SPATA3: variants seen among roughly 807,000 people sequenced by gnomAD.
The protein encoded by SPATA3 is spermatogenesis associated 3.
SPATA3 carries 6 observed loss-of-function variants against 5.7 expected under a neutral mutation model. That is an observed-to-expected ratio of 1.06 (90% CI 0.58 to 2.09). The LOEUF is 2.09. SPATA3 is among the 30% of genes most tolerant of loss of function. The probability of loss-of-function intolerance (pLI) is 0.00; values close to 1 mark genes in which losing one functional copy is unlikely to be tolerated. For synonymous variants in SPATA3, 44 were observed against 48.4 expected (o/e 0.91, Z 0.37); for missense variants, 155 against 130.4 (o/e 1.19, Z -0.92).
At chr2:231,013,489 ATT>A (rs574764501) in intron 5 of SPATA3, among the ~76,000 whole-genome samples, 1 of 145,082 alleles carries the variant, frequency 6.9e-6, no homozygotes, top group Non-Finnish European at 1.5e-5. Flanking sequence ...CAGTTTTTAG[ATT>A]TTTTTTTTTT....
chr2:231,014,571 C>T (rs34548579), intron 6 of SPATA3, among the ~76,000 whole-genome samples: 66,276 of 151,818 alleles, frequency 0.44, 15,598 homozygotes, highest in African/African-American at 0.59. Flanking sequence ...TCCTGGGGGA[C>T]GGAAGCTGCC....
At chr2:231,012,341 G>C (rs1692810101) in intron 4 of SPATA3, among the ~76,000 whole-genome samples, 1 of 152,178 alleles carries the variant, frequency 6.6e-6, no homozygotes, top group Non-Finnish European at 1.5e-5. Flanking sequence ...CAGGATGAAG[G>C]GTCTGGGCTG....
chr2:230,999,768 T>C (rs911154177), intron 1 of SPATA3: 1 of 169,166 alleles, frequency 5.9e-6, no homozygotes, highest in Non-Finnish European at 1.5e-5. Context: ...CAATGGAACG[T>C]GGCAGCTCCA....
chr2:231,008,022 TA>T (rs1195299987), downstream of SPATA3, among the ~76,000 whole-genome samples: 3 of 151,320 alleles, frequency 2.0e-5, no homozygotes, highest in Non-Finnish European at 4.4e-5. Context: ...AAAATAAAAA[TA>T]AAAAAAAGGA....
chr2:230,996,205 G>C lies in SPATA3; in HGVS notation c.791-4161G>C. On this transcript the variant is annotated intron_variant, in intron 1 of 2. It removes the in-frame stop codon of an upstream open reading frame in the 5' UTR. Coordinates refer to ENST00000645363, the Ensembl canonical transcript of SPATA3. ...CCGGGAGATTACGCAGCTCCATGTA[G>C]GTCCACGTTTAGGTTGGGAGGATCT... 6.5e-7 allele frequency: 1 copy of C among 1,537,276 alleles called. No individual in the cohort carries two copies. The highest frequency in any genetic ancestry group is 1.2e-5 in the South Asian group (1 of 81,920).
At chr2:231,005,881 T>C (rs1385946600), downstream of SPATA3, among the ~76,000 whole-genome samples, 1 of 151,842 alleles carries the variant, frequency 6.6e-6, no homozygotes, top group Non-Finnish European at 1.5e-5. Flanking sequence ...GCTTACTTTT[T>C]GGCTGGGAAT....
downstream of SPATA3, chr2:231,006,916 G>A (rs933617551): frequency 6.6e-6 from 1 of 152,218 alleles, no homozygotes; most frequent in African/African-American, 2.4e-5. Flanking sequence ...TGTAGCTTTT[G>A]GGGAGTGAGA....
At chr2:230,997,049 T>C (rs1692151227) in intron 1 of SPATA3, among the ~76,000 whole-genome samples, 1 of 151,956 alleles carries the variant, frequency 6.6e-6, no homozygotes, top group African/African-American at 2.4e-5. Flanking sequence ...AGGATGTCTG[T>C]CTGTCAAGTG....
chr2:231,000,245 G>T, intron 1 of SPATA3, 121 bp from the exon 2 acceptor site: 1 of 926,870 alleles, frequency 1.1e-6, no homozygotes, highest in Non-Finnish European at 1.5e-6. Flanking sequence ...TCCAGCGTTC[G>T]CCCTGGTAAT....
At chr2:231,006,363 C>T (rs1171596751), downstream of SPATA3, among the ~76,000 whole-genome samples, 3 of 151,348 alleles carry the variant, frequency 2.0e-5, no homozygotes, top group Non-Finnish European at 2.9e-5. Flanking sequence ...AATAGCCGGG[C>T]GTGGTGGCGG....
downstream of SPATA3, among the ~76,000 whole-genome samples, chr2:231,011,072 C>A (rs1403682484): frequency 6.3e-3 from 505 of 79,602 alleles, no homozygotes; most frequent in Non-Finnish European, 7.2e-3. Context: ...GACCCTGTCT[C>A]AAAAAAAAAA....
intron 6 of SPATA3, among the ~76,000 whole-genome samples, chr2:231,015,607 C>T (rs969127027): frequency 6.6e-6 from 1 of 152,254 alleles, no homozygotes; most frequent in Non-Finnish European, 1.5e-5. Flanking sequence ...ATGCTTAACT[C>T]ATGCAAAGCA....
downstream of SPATA3, among the ~76,000 whole-genome samples, chr2:231,006,014 A>AAG (rs1553550971): frequency 1.4e-5 from 2 of 141,880 alleles, no homozygotes; most frequent in East Asian, 2.1e-4. Flanking sequence ...AAAAAAAAAA[A>AAG]AGAGAAAGAA....
chr2:231,005,352 TCACCACCACCAC>T (rs1692555884), downstream of SPATA3, among the ~76,000 whole-genome samples: 6 of 43,356 alleles, frequency 1.4e-4, no homozygotes, highest in African/African-American at 3.6e-4. Flanking sequence ...ATCATCACCA[TCACCACCACCAC>T]CATCATCACC....
chr2:231,019,953 A>C (rs1192511570), intron 7 of SPATA3: 1 of 150,662 alleles, frequency 6.6e-6, no homozygotes, highest in African/African-American at 2.4e-5. Flanking sequence ...CTCTCTCAAA[A>C]CACAGGATGA....
chr2:231,002,808 C>A, downstream of SPATA3: 1 of 1,430,042 alleles, frequency 7.0e-7, no homozygotes, highest in Non-Finnish European at 9.3e-7. Flanking sequence ...GAACAAGCCC[C>A]TAGGCCCACA....
downstream of SPATA3, among the ~76,000 whole-genome samples, chr2:231,011,608 C>T (rs1014065264): frequency 2.6e-5 from 4 of 151,126 alleles, no homozygotes; most frequent in Admixed American, 2.0e-4. Context: ...TGAGGACAGC[C>T]ACCCTCCCAC....
chr2:231,010,957 C>A (rs1317330180), downstream of SPATA3, among the ~76,000 whole-genome samples: 1 of 149,104 alleles, frequency 6.7e-6, no homozygotes, highest in Non-Finnish European at 1.5e-5. Flanking sequence ...CCTGTAGTCC[C>A]AGCTATTTGG....
At chr2:231,004,348 G>T (rs1245606218), downstream of SPATA3, among the ~76,000 whole-genome samples, 2 of 152,162 alleles carry the variant, frequency 1.3e-5, no homozygotes, top group Non-Finnish European at 2.9e-5. Context: ...GCTCACTGCT[G>T]GGGGGTCCCG....
Sources: allele counts gnomAD v4.1 joint callset (sites outside exome capture counted in the v4.1 genomes callset), GRCh38; gene constraint gnomAD v4.1.1; transcripts MANE v1.5; gene names NCBI Gene and HGNC (gene_info 2026-07-23, HGNC 2026-07-21).